Variants in SKIC8 observed in about 807,000 individuals in gnomAD.
The protein encoded by SKIC8 is SKI8 subunit of superkiller complex.
At chr15:78,291,761 G>A in the SKIC8 span, 1 of 152,150 alleles carries the variant, frequency 6.6e-6, no homozygotes, top group East Asian at 1.9e-4. Flanking sequence ...CCAATCAAGG[G>A]AACTGTGTTC....
At chr15:78,291,471 G>C in the SKIC8 span, among the ~76,000 whole-genome samples, 1 of 152,184 alleles carries the variant, frequency 6.6e-6, no homozygotes, top group African/African-American at 2.4e-5. Context: ...AGGGGAGTCA[G>C]GGTGCGTCTG....
At chr15:78,287,721 A>C in the SKIC8 span, among the ~76,000 whole-genome samples, 1 of 152,204 alleles carries the variant, frequency 6.6e-6, no homozygotes, top group Admixed American at 6.5e-5. Context: ...ATGATGGGGG[A>C]AAAGAAGAAG....
the SKIC8 span, chr15:78,285,309 A>G: frequency 6.2e-7 from 1 of 1,614,144 alleles, no homozygotes; most frequent in Non-Finnish European, 8.5e-7. Flanking sequence ...TCGTTCCAAC[A>G]TCCCAAACTT....
chr15:78,289,574 G>A, the SKIC8 span: 7 of 1,392,094 alleles, frequency 5.0e-6, no homozygotes, highest in Admixed American at 1.7e-5. Context: ...TTCTTCCTTT[G>A]TGATTTGATA....
chr15:78,297,462 G>A, the SKIC8 span, among the ~76,000 whole-genome samples: 13 of 152,156 alleles, frequency 8.5e-5, no homozygotes, highest in Non-Finnish European at 1.8e-4. Flanking sequence ...TAGACTGTAT[G>A]CTAAAATTTT....
At chr15:78,288,244 A>G in the SKIC8 span, 1 of 1,590,088 alleles carries the variant, frequency 6.3e-7, no homozygotes, top group East Asian at 2.2e-5. Flanking sequence ...ATAAAGGGAC[A>G]AGATGGGCAT....
At chr15:78,295,420 T>TTTTTC in the SKIC8 span, 1 of 470,318 alleles carries the variant, frequency 2.1e-6, no homozygotes, top group African/African-American at 3.4e-5. Flanking sequence ...TTTTTTTTTG[T>TTTTTC]ACAACATCTT....
chr15:78,290,470 A>G, the SKIC8 span: 1 of 174,904 alleles, frequency 5.7e-6, no homozygotes, highest in African/African-American at 2.4e-5. Flanking sequence ...ATGTCCACAC[A>G]AAGACTGGTA....
the SKIC8 span, chr15:78,289,925 G>C: frequency 6.2e-7 from 1 of 1,607,678 alleles, no homozygotes; most frequent in Non-Finnish European, 8.5e-7. Flanking sequence ...GAATCAGAAG[G>C]AGAACAGAGA....
the SKIC8 span, chr15:78,293,354 T>C: frequency 7.8e-7 from 1 of 1,289,382 alleles, no homozygotes; most frequent in Admixed American, 1.8e-5. Flanking sequence ...AATTGTGAGG[T>C]AACATTTATT....
the SKIC8 span, chr15:78,285,403 T>C: frequency 4.4e-4 from 641 of 1,443,146 alleles, 1 homozygote; most frequent in African/African-American, 8.2e-3. Context: ...AAAAATCCTT[T>C]GATGACTTAC....
At chr15:78,288,748 G>C in the SKIC8 span, 1 of 347,398 alleles carries the variant, frequency 2.9e-6, no homozygotes, top group Non-Finnish European at 5.6e-6. Context: ...TAGTATAAAG[G>C]ATAAACTATA....
the SKIC8 span, chr15:78,285,537 G>A: frequency 1.7e-6 from 1 of 591,398 alleles, no homozygotes; most frequent in Non-Finnish European, 3.0e-6. Flanking sequence ...GATCTGCCTG[G>A]CCCTCATATT....
At chr15:78,283,496 T>A in the SKIC8 span, 11 of 1,613,834 alleles carry the variant, frequency 6.8e-6, no homozygotes, top group Non-Finnish European at 9.3e-6. Flanking sequence ...TTTTGAACCA[T>A]TTCCATTGTA....
chr15:78,283,364 A>G, the SKIC8 span: 1 of 1,293,776 alleles, frequency 7.7e-7, no homozygotes, highest in East Asian at 2.3e-5. Context: ...AACAAGCCTA[A>G]GAAGGTAAGG....
At chr15:78,288,953 A>G in the SKIC8 span, 1 of 449,794 alleles carries the variant, frequency 2.2e-6, no homozygotes, top group Non-Finnish European at 4.4e-6. Flanking sequence ...TTCCAATCAC[A>G]AAGTTCATCA....
chr15:78,283,617 C>A, the SKIC8 span: 2 of 949,186 alleles, frequency 2.1e-6, no homozygotes, highest in South Asian at 1.8e-5. Flanking sequence ...CTGAATCTAC[C>A]AAAACTGAGA....
the SKIC8 span, among the ~76,000 whole-genome samples, chr15:78,294,021 G>A: frequency 1.1e-4 from 16 of 152,282 alleles, no homozygotes; most frequent in Admixed American, 6.5e-4. Flanking sequence ...ATTCTCCAGC[G>A]ATACCTTCCC....
chr15:78,297,737 G>A, the SKIC8 span, among the ~76,000 whole-genome samples: 6 of 152,100 alleles, frequency 3.9e-5, no homozygotes, highest in Non-Finnish European at 7.4e-5. Context: ...CCAAGTTCAC[G>A]GCCCTCGCAA....
Sources: gnomAD v4.1 joint callset for allele counts (sites outside exome capture counted in the v4.1 genomes callset) on GRCh38, gnomAD v4.1.1 for gene constraint, MANE v1.5 for transcripts, NCBI Gene and HGNC (gene_info 2026-07-23, HGNC 2026-07-21) for gene names.